The following KYAT1 variants were observed in gnomAD, a reference collection of about 807,000 sequenced individuals.
KYAT1 encodes kynurenine aminotransferase 1.
Under a neutral mutation model 52.4 loss-of-function variants are expected in KYAT1, and 47 were observed. That is an observed-to-expected ratio of 0.90 (90% CI 0.71 to 1.14). KYAT1 has a LOEUF of 1.14. Ranked by LOEUF, KYAT1 falls within the 50% of genes most tolerant of loss-of-function variation. KYAT1 has a pLI of 0.00. For missense variants in KYAT1, 480 were observed against 557.9 expected (o/e 0.86, Z 1.41); for synonymous variants, 212 against 209.6 (o/e 1.01, Z -0.10).
At chr9:128,882,213 G>A (rs1839059519), upstream of KYAT1, 1 of 153,252 alleles carries the variant, frequency 6.5e-6, no homozygotes, top group Non-Finnish European at 1.5e-5. Context: ...GCCGGGGCCT[G>A]GGGCTGCCTG....
chr9:128,868,148 C>T (rs902613288), intron 1 of KYAT1, among the ~76,000 whole-genome samples: 1 of 151,536 alleles, frequency 6.6e-6, no homozygotes, highest in Admixed American at 6.6e-5. Flanking sequence ...AATTGAGAGC[C>T]CAGTAATAAA....
At chr9:128,836,100 C>T (rs1564447780) in intron 7 of KYAT1, 27 bp from the exon 8 acceptor site, 2 of 1,609,860 alleles carry the variant, frequency 1.2e-6, no homozygotes, top group Admixed American at 1.7e-5. Flanking sequence ...AGAACAGCTG[C>T]TGAGACTGGG....
chr9:128,833,736 T>A lies in KYAT1; in HGVS notation c.1209+4A>T. Reference sequence around the variant, plus strand: ...GTCTTTCCTCCCCCAGCCCTGCCCTTTACCTTCACAAAACAGAAGCGGATA... The same window carrying A: ...GTCTTTCCTCCCCCAGCCCTGCCCTATACCTTCACAAAACAGAAGCGGATA... On this transcript the variant is annotated splice_donor_region_variant and intron_variant, in intron 12 of 12. Transcript: ENST00000302586. 6.2e-7 allele frequency: 1 copy of A among 1,614,108 alleles called. No homozygotes were observed. The highest frequency in any genetic ancestry group is 8.5e-7 in the Non-Finnish European group (1 of 1,179,966).
intron 1 of KYAT1, among the ~76,000 whole-genome samples, chr9:128,879,855 C>A (rs1406413891): frequency 1.3e-5 from 2 of 152,194 alleles, no homozygotes; most frequent in African/African-American, 4.8e-5. Context: ...AGGACAGGAA[C>A]TATGTGCTTG....
At chr9:128,835,963 AG>A (rs35934408) in intron 8 of KYAT1, 33 bp downstream of exon 8, 1 of 1,594,870 alleles carries the variant, frequency 6.3e-7, no homozygotes, top group Non-Finnish European at 8.6e-7. Flanking sequence ...AGGATCTTGC[AG>A]GGGGTGGTGA....
chr9:128,864,774 A>G (rs1288274652), intron 1 of KYAT1, among the ~76,000 whole-genome samples: 1 of 151,786 alleles, frequency 6.6e-6, no homozygotes, highest in Non-Finnish European at 1.5e-5. Flanking sequence ...ATGTCCAGCT[A>G]ATCTTTGTAT....
intron 1 of KYAT1, among the ~76,000 whole-genome samples, chr9:128,867,427 C>G (rs1836555343): frequency 6.6e-6 from 1 of 152,116 alleles, no homozygotes; most frequent in Non-Finnish European, 1.5e-5. Flanking sequence ...AGTTCTCCTA[C>G]CTTGACCTCT....
At chr9:128,847,378 A>G (rs2119199252) in intron 1 of KYAT1, 1 of 1,246,592 alleles carries the variant, frequency 8.0e-7, no homozygotes, top group Non-Finnish European at 1.1e-6. Context: ...AACGAGCCAG[A>G]CCCCAGAAGC....
At chr9:128,841,034 A>G (rs912001685) in intron 3 of KYAT1, among the ~76,000 whole-genome samples, 3 of 152,254 alleles carry the variant, frequency 2.0e-5, no homozygotes. Flanking sequence ...TGCTTAAATA[A>G]ATTATGGCAC....
At chr9:128,846,532 G>A (rs755832356) in intron 1 of KYAT1, 1 of 550,178 alleles carries the variant, frequency 1.8e-6, no homozygotes, top group Non-Finnish European at 3.1e-6. Context: ...CTGGGAGATG[G>A]AGATTGCAGT....
At chr9:128,873,998 G>A (rs1406749645) in intron 1 of KYAT1, among the ~76,000 whole-genome samples, 3 of 150,400 alleles carry the variant, frequency 2.0e-5, no homozygotes, top group Non-Finnish European at 4.4e-5. Flanking sequence ...GTTCACACCT[G>A]TAACCCCAGC....
chr9:128,854,987 G>A lies in KYAT1; in HGVS notation c.-6-9576C>T, dbSNP rs547833014. Among the ~76,000 whole-genome samples the A allele has an allele frequency of 4.6e-5, 7 of 152,240 alleles. No individual in the cohort carries two copies. In the East Asian group the frequency reaches 1.4e-3, roughly 29 times the overall value. On this transcript the variant is annotated intron_variant, in intron 1 of 12. Transcript: ENST00000302586. ...AAATTTACTTATCATATGGTAAGTG[G>A]AATGTCACTTGGGTCACAAATGAAT...
intron 3 of KYAT1, among the ~76,000 whole-genome samples, chr9:128,839,198 G>A (rs1352194612): frequency 6.6e-6 from 1 of 151,894 alleles, no homozygotes; most frequent in Non-Finnish European, 1.5e-5. Context: ...TTCTGACCTT[G>A]GGTAATCTGC....
chr9:128,842,702 C>T lies in KYAT1; in HGVS notation c.153G>A (p.Gln51=). The T allele has an allele frequency of 6.2e-7, 1 of 1,614,208 alleles. No individual in the cohort carries two copies. Among genetic ancestry groups the T allele is most frequent in the South Asian group, 1.1e-5 (1 of 91,076 alleles). ...GCATGAAGTCTCCACTGACAGCGTG[C>T]TGAAAGGCTTCCACGGCAAAGTCTG... ...PPPDFAVEAF[Q]HAVSGDFMLN... is the part of the protein sequence containing the mutation. The change falls in exon 3 of 13, where the codon CAG becomes CAA. Residue 51 remains glutamine, a synonymous_variant. Transcript: ENST00000302586.
chr9:128,846,693 C>A (rs773949508), intron 1 of KYAT1: 3 of 1,532,236 alleles, frequency 2.0e-6, no homozygotes, highest in Non-Finnish European at 2.6e-6. Context: ...GGCTGGGTGA[C>A]CCTGGATAGG....
chr9:128,878,826 C>G (rs1413917894), intron 1 of KYAT1, among the ~76,000 whole-genome samples: 1 of 152,182 alleles, frequency 6.6e-6, no homozygotes, highest in East Asian at 1.9e-4. Flanking sequence ...ATCTCACTCC[C>G]ATACATTAAA....
intron 1 of KYAT1, among the ~76,000 whole-genome samples, chr9:128,854,557 G>A (rs1190828788): frequency 1.3e-5 from 2 of 152,154 alleles, no homozygotes; most frequent in Non-Finnish European, 2.9e-5. Context: ...TAAAGAAGCT[G>A]ACACAGTTAG....
At chr9:128,871,364 T>A (rs529348636) in intron 1 of KYAT1, among the ~76,000 whole-genome samples, 1 of 151,926 alleles carries the variant, frequency 6.6e-6, no homozygotes, top group African/African-American at 2.4e-5. Context: ...AAAGGGCAGG[T>A]TGAAGAACAA....
intron 2 of KYAT1, among the ~76,000 whole-genome samples, chr9:128,843,103 G>A (rs779868766): frequency 2.6e-5 from 4 of 152,148 alleles, no homozygotes; most frequent in Non-Finnish European, 5.9e-5. Context: ...GGAACCGGAG[G>A]TTGAAGTGAG....
Sources: allele counts gnomAD v4.1 joint callset (sites outside exome capture counted in the v4.1 genomes callset), GRCh38; gene constraint gnomAD v4.1.1; transcripts MANE v1.5; gene names NCBI Gene and HGNC (gene_info 2026-07-23, HGNC 2026-07-21).